Variants in LRFN1 observed in about 807,000 individuals in gnomAD.
LRFN1 encodes leucine rich repeat and fibronectin type III domain containing 1.
A neutral mutation model predicts 31.8 loss-of-function variants in LRFN1; 20 were observed. The ratio of observed to expected loss-of-function variants is 0.63; its 90% CI spans 0.44 to 0.91. The LOEUF (loss-of-function observed/expected upper bound fraction) is 0.91, where lower values mean the gene tolerates loss of function less well. LRFN1 is among the 40% of genes least tolerant of loss of function. The probability of loss-of-function intolerance (pLI) is 0.00; values close to 1 mark genes in which losing one functional copy is unlikely to be tolerated. For synonymous variants in LRFN1, 514 were observed against 541.3 expected, an observed-to-expected ratio of 0.95 and a Z score of 0.70; for missense variants, 912 against 1,129.8, an observed-to-expected ratio of 0.81 and a Z score of 2.76.
At position 39,314,422 on chromosome 19, in the gene LRFN1, C is replaced by G. The variant is rs750267126; in HGVS notation, c.915G>C (p.Ala305=). 30 of 1,606,134 alleles carry G rather than the reference C, an allele frequency of 1.9e-5. No individual in the cohort carries two copies. In the African/African-American group the frequency reaches 2.5e-4, roughly 14 times the overall value. ...LCEPPLITRQ[A]GGRALVVEGQ... ...CTTCCACCACCAGGGCCCGGCCCCC[C>G]GCCTGCCGTGTGATCAGCGGGGGCT... Residue 305 remains alanine (A), a synonymous_variant, in exon 4 of 5, where the codon GCG becomes GCC. Coordinates refer to ENST00000248668, the MANE Select transcript of LRFN1 (RefSeq NM_020862.2).
Position 39,307,582 on chromosome 19 carries a change from G to C in LRFN1, c.*51C>G. ...CCCAGTCCCGCCCCAGCGTCCGTGCGGCTGGGCGTTTGGTCTGCGGCACCC... is the reference window on the plus strand; with the variant it reads ...CCCAGTCCCGCCCCAGCGTCCGTGCCGCTGGGCGTTTGGTCTGCGGCACCC... On this transcript the variant is annotated 3_prime_UTR_variant, in exon 5 of 5. Transcript: ENST00000248668. The surrounding 1 kb of genome is among the most constrained non-coding windows in gnomAD (Gnocchi z 6.7). The C allele has an allele frequency of 7.4e-7, 1 of 1,356,380 alleles. No homozygotes were observed. Among genetic ancestry groups the C allele is most frequent in the Non-Finnish European group, 9.4e-7 (1 of 1,058,802 alleles). 84.0% of individuals were successfully genotyped at this position (1,356,380 alleles called of 1,614,324 possible).
rs1366230066 is a variant in LRFN1 at position 39,314,420 on chromosome 19, C to G, written c.917G>C (p.Gly306Ala). ...CEPPLITRQA[G>A]GRALVVEGQA... ...GCCTTCCACCACCAGGGCCCGGCCC[C>G]CCGCCTGCCGTGTGATCAGCGGGGG... The change falls in exon 4 of 5, where the codon GGG (glycine) becomes GCG (alanine). Residue 306 changes from glycine to alanine, a missense_variant. This residue lies in a region of LRFN1 where 401 missense variants were observed against 572.7 expected (regional missense o/e 0.70). Coordinates refer to ENST00000248668, the MANE Select transcript of LRFN1 (RefSeq NM_020862.2). The G allele has an allele frequency of 3.1e-6, 5 of 1,605,978 alleles. No homozygotes were observed. In the African/African-American group the frequency reaches 5.3e-5, roughly 17 times the overall value.
Position 39,314,340 on chromosome 19 carries a change from A to G in LRFN1, c.997T>C (p.Trp333Arg). ...AGCAGCCGCCCATCAGGTGCCACCCAGTGCACCACCGGCTCGGGGTCACCC... is the reference window on the plus strand; with the variant it reads ...AGCAGCCGCCCATCAGGTGCCACCCGGTGCACCACCGGCTCGGGGTCACCC... ...AVGDPEPVVH[W>R]VAPDGRLLGN... The change falls in exon 4 of 5, where the codon TGG becomes CGG. Residue 333 changes from tryptophan to arginine, a missense_variant. Around this residue, in one of 2 missense-constraint regions of LRFN1, gnomAD observed 401 missense variants for 572.7 expected, o/e 0.70. Transcript: ENST00000248668. 6.3e-7 allele frequency: 1 copy of G among 1,598,748 alleles called. No homozygotes were observed. Among genetic ancestry groups the G allele is most frequent in the Non-Finnish European group, 8.5e-7 (1 of 1,173,338 alleles).
Position 39,307,589 on chromosome 19 carries a change from C to A in LRFN1, c.*44G>T. 2 of 1,368,646 alleles carry A rather than the reference C, an allele frequency of 1.5e-6. No homozygotes were observed. Among genetic ancestry groups the A allele is most frequent in the Non-Finnish European group, 1.9e-6 (2 of 1,067,586 alleles). 84.8% of individuals were successfully genotyped at this position (1,368,646 alleles called of 1,614,324 possible). A position where few individuals can be genotyped will look rare whatever the true frequency, so the allele number is the denominator to read the frequency against. ...CCGCCCCAGCGTCCGTGCGGCTGGG[C>A]GTTTGGTCTGCGGCACCCAGGCGTC... is the stretch of plus-strand genomic sequence containing the variant. On this transcript the variant is annotated 3_prime_UTR_variant, in exon 5 of 5. Transcript: ENST00000248668. The surrounding 1 kb of genome is among the most constrained non-coding windows in gnomAD (Gnocchi z 6.7).
intron 4 of LRFN1, among the ~76,000 whole-genome samples, chr19:39,312,533 C>T (rs907770008): frequency 9.2e-5 from 14 of 152,020 alleles, no homozygotes; most frequent in Admixed American, 2.6e-4. Context: ...CCAGGTGCAG[C>T]GGCTCACACC....
chr19:39,312,321 G>A (rs1273525362), intron 4 of LRFN1, among the ~76,000 whole-genome samples: 1 of 152,016 alleles, frequency 6.6e-6, no homozygotes, highest in African/African-American at 2.4e-5. Context: ...CTCTCCACAG[G>A]TAGGGAAACA....
At chr19:39,318,183 G>C (rs2075177533) in intron 2 of LRFN1, 143 bp downstream of exon 2, 1 of 152,400 alleles carries the variant, frequency 6.6e-6, no homozygotes, top group African/African-American at 2.4e-5. Flanking sequence ...TGGACAGAGT[G>C]GTGGGCAACT....
Position 39,307,639 on chromosome 19 carries a change from G to C in LRFN1, c.2310C>G (p.Thr770=), listed in dbSNP as rs1238741487. 3 of 1,418,280 alleles carry C rather than the reference G, an allele frequency of 2.1e-6. No homozygotes were observed. The highest frequency in any genetic ancestry group is 2.7e-6 in the Non-Finnish European group (3 of 1,094,192). The allele number at this position is 1,418,280 out of a possible 1,614,324, so 87.9% of individuals were successfully genotyped here. The change falls in exon 5 of 5, where the codon ACC becomes ACG. Residue 770 remains threonine, a synonymous_variant. Coordinates refer to ENST00000248668, the MANE Select transcript of LRFN1 (RefSeq NM_020862.2). This position sits in a 1 kb window ranked among gnomAD's most constrained non-coding sequence, Gnocchi z 6.7. ...CCCGGCGCCCGCCCGCCGCTCACACGGTACTCTCCAGCATCCACTCGGTGC... is the reference window on the plus strand; with the variant it reads ...CCCGGCGCCCGCCCGCCGCTCACACCGTACTCTCCAGCATCCACTCGGTGC... ...FTSTEWMLES[T]V
In LRFN1 at chr19:39,314,712, G is replaced by C; in HGVS notation, c.625C>G (p.Leu209Val). The C allele has an allele frequency of 1.2e-6, 2 of 1,613,330 alleles. No homozygotes were observed. Among genetic ancestry groups the C allele is most frequent in the Non-Finnish European group, 1.7e-6 (2 of 1,179,574 alleles). The change falls in exon 4 of 5, where the codon CTT (leucine) becomes GTT (valine). Residue 209 changes from leucine to valine, a missense_variant. Coordinates refer to ENST00000248668, the MANE Select transcript of LRFN1 (RefSeq NM_020862.2). The stretch of plus-strand genomic sequence containing the variant: ...ATGTCCAGACGGACCAGCTTGTGAA[G>C]CTGCACGAAGGTCCCCTCCGCGATG... ...DHIAEGTFVQLHKLVRLDMTS... is the reference protein window; with the variant it reads ...DHIAEGTFVQVHKLVRLDMTS...
In LRFN1 at chr19:39,314,437, C is replaced by T; in HGVS notation, c.900G>A (p.Leu300=). 2 of 1,609,046 alleles carry T rather than the reference C, an allele frequency of 1.2e-6. No homozygotes were observed. Among genetic ancestry groups the T allele is most frequent in the Non-Finnish European group, 1.7e-6 (2 of 1,178,748 alleles). The change falls in exon 4 of 5, where the codon CTG becomes CTA. Residue 300 remains leucine (L), a synonymous_variant. Transcript: ENST00000248668. ...CCCGGCCCCCCGCCTGCCGTGTGAT[C>T]AGCGGGGGCTCACACAGGAACTCCT... is the stretch of plus-strand genomic sequence containing the variant. ...PEEEFLCEPP[L]ITRQAGGRAL... is the part of the protein sequence containing the mutation.
chr19:39,311,370 T>G (rs1046149834), intron 4 of LRFN1, among the ~76,000 whole-genome samples: 5 of 152,040 alleles, frequency 3.3e-5, no homozygotes, highest in African/African-American at 9.7e-5. Context: ...TCTGCATCCA[T>G]GCAGGGTCTG....
chr19:39,316,735 C>A (rs2075173202), intron 2 of LRFN1, among the ~76,000 whole-genome samples: 1 of 152,162 alleles, frequency 6.6e-6, no homozygotes, highest in Non-Finnish European at 1.5e-5. Flanking sequence ...CACACTCACG[C>A]TATGTCTCTG....
Position 39,308,624 on chromosome 19 carries a change from G to A in LRFN1, c.1407-82C>T. On this transcript the variant is annotated intron_variant, in intron 4 of 4. Transcript: ENST00000248668. The surrounding 1 kb of genome is among the most constrained non-coding windows in gnomAD (Gnocchi z 6.2). ...CTTTATGCCCCGCCCATGGTGAACA[G>A]TGGGGACTAAACCCTGCTATCGAAG... 7.9e-7 allele frequency: 1 copy of A among 1,258,810 alleles called. No individual in the cohort carries two copies. The highest frequency in any genetic ancestry group is 1.1e-6 in the Non-Finnish European group (1 of 930,716). The allele number at this position is 1,258,810 out of a possible 1,614,324, so 78.0% of individuals were successfully genotyped here. A position where few individuals can be genotyped will look rare whatever the true frequency, so the allele number is the denominator to read the frequency against.
Position 39,314,594 on chromosome 19 carries a change from C to T in LRFN1, c.743G>A (p.Ser248Asn). The T allele has an allele frequency of 6.2e-7, 1 of 1,610,158 alleles. No homozygotes were observed. Reference sequence around the variant, plus strand: ...GCAGTGCAGGGGGTTGCCGCCGAAGCTGACGGTCAGCGGGGTGGGCGGCTT... The same window carrying T: ...GCAGTGCAGGGGGTTGCCGCCGAAGTTGACGGTCAGCGGGGTGGGCGGCTT... ...GPKPPTPLTV[S>N]FGGNPLHCNC... Residue 248 changes from serine to asparagine, a missense_variant, in exon 4 of 5, where the codon AGC (serine) becomes AAC (asparagine). Physicochemically the swap from Ser to Asn is conservative, Grantham distance 46. Coordinates refer to ENST00000248668, the MANE Select transcript of LRFN1 (RefSeq NM_020862.2).
chr19:39,315,217 G>T lies in LRFN1; in HGVS notation c.120C>A (p.Cys40Ter). The change falls in exon 4 of 5, where the codon TGC becomes TGA. Residue 40 changes from cysteine to a stop codon, truncating the protein, a stop_gained. Coordinates refer to ENST00000248668, the MANE Select transcript of LRFN1 (RefSeq NM_020862.2). LOFTEE classifies it high-confidence loss of function. This position sits in a 1 kb window ranked among gnomAD's most constrained non-coding sequence, Gnocchi z 4.7. The part of the protein sequence containing the change: ...RGQPCPGRCI[C>*]QNVAPTLTML... ...TTGTCAGTGTGGGCGCCACGTTCTG[G>T]CAGATGCAGCGGCCGGGGCAGGGCT... 1 of 1,572,980 alleles carries T rather than the reference G, an allele frequency of 6.4e-7. No individual in the cohort carries two copies. Among genetic ancestry groups the T allele is most frequent in the East Asian group, 2.3e-5 (1 of 43,638 alleles).
intron 4 of LRFN1, among the ~76,000 whole-genome samples, chr19:39,312,557 C>G (rs1685226675): frequency 6.6e-6 from 1 of 152,056 alleles, no homozygotes; most frequent in African/African-American, 2.4e-5. Flanking sequence ...AATCCCAGCA[C>G]TTTGGGAGGC....
In LRFN1 at chr19:39,317,764, C is replaced by A. The variant is rs149976417; in HGVS notation, c.-93+562G>T. On this transcript the variant is annotated intron_variant, in intron 2 of 4. Coordinates refer to ENST00000248668, the MANE Select transcript of LRFN1 (RefSeq NM_020862.2). ...GATTTAATGAGATAATATTTTATGA[C>A]ATGCTTAGAATAGTTCCTGACAAAG... 4.8e-3 allele frequency among the ~76,000 whole-genome samples: 725 copies of A among 152,230 alleles called. 6 individuals carry two copies. The highest frequency in any genetic ancestry group is 0.017 in the African/African-American group (689 of 41,514).
At chr19:39,317,183 C>T (rs2075174612) in intron 2 of LRFN1, among the ~76,000 whole-genome samples, 1 of 151,576 alleles carries the variant, frequency 6.6e-6, no homozygotes, top group South Asian at 2.1e-4. Flanking sequence ...AAGAGAGAGA[C>T]ACAGAAAAAA....
At chr19:39,310,896 C>G (rs1010725946) in intron 4 of LRFN1, among the ~76,000 whole-genome samples, 2 of 152,178 alleles carry the variant, frequency 1.3e-5, no homozygotes, top group South Asian at 4.1e-4. Context: ...CAGGGCCCCG[C>G]CCCTTCATAA....
Sources: allele counts gnomAD v4.1 joint callset (sites outside exome capture counted in the v4.1 genomes callset), GRCh38; gene constraint gnomAD v4.1.1; regional missense constraint gnomAD v4.1.1; non-coding constraint Gnocchi (gnomAD v3.1); transcripts MANE v1.5; gene names NCBI Gene and HGNC (gene_info 2026-07-23, HGNC 2026-07-21).